Variants in NTRK1 observed in about 807,000 individuals in gnomAD.
NTRK1 encodes neurotrophic receptor tyrosine kinase 1, also known as high affinity nerve growth factor receptor.
Under a neutral mutation model 86.8 loss-of-function variants are expected in NTRK1, and 62 were observed. The ratio of observed to expected loss-of-function variants is 0.71; its 90% CI spans 0.58 to 0.88. The LOEUF (loss-of-function observed/expected upper bound fraction) is 0.88. NTRK1 is among the 40% of genes least tolerant of loss of function. The pLI is 0.00. For missense variants in NTRK1, 967 were observed against 1,078.4 expected, an observed-to-expected ratio of 0.90 and a Z score of 1.45; for synonymous variants, 469 against 456.6, an observed-to-expected ratio of 1.03 and a Z score of -0.35.
intron 2 of NTRK1, chr1:156,845,771 G>A (rs1164004231): frequency 6.2e-7 from 1 of 1,613,132 alleles, no homozygotes. Context: ...CCCCGTCTTC[G>A]CCGTCGAAGC....
upstream of NTRK1, among the ~76,000 whole-genome samples, chr1:156,856,060 C>T (rs1429014721): frequency 6.6e-6 from 1 of 151,756 alleles, no homozygotes; most frequent in Non-Finnish European, 1.5e-5. Flanking sequence ...CCCTCTGCCT[C>T]GGCCTCCCAA....
At chr1:156,848,938 G>T (rs777854414) in intron 2 of NTRK1, 1 of 1,583,356 alleles carries the variant, frequency 6.3e-7, no homozygotes, top group Admixed American at 1.8e-5. Context: ...TGTAGTACAC[G>T]ATGAAGCTGA....
intron 6 of NTRK1, among the ~76,000 whole-genome samples, chr1:156,869,282 G>A (rs568541255): frequency 3.7e-4 from 57 of 152,132 alleles, no homozygotes; most frequent in African/African-American, 1.2e-3. Context: ...GTTTCACTAC[G>A]TTGGCCACGC....
chr1:156,816,776 A>G (rs1653988351), intron 1 of NTRK1: 2 of 1,417,182 alleles, frequency 1.4e-6, no homozygotes, highest in Non-Finnish European at 1.9e-6. Context: ...GTGCACACTC[A>G]GCAACTCATC....
intron 2 of NTRK1, chr1:156,843,219 C>T (rs1654864404): frequency 1.9e-6 from 3 of 1,614,098 alleles, no homozygotes; most frequent in Non-Finnish European, 2.5e-6. Flanking sequence ...ACCTCCCATT[C>T]ATCAGGGACA....
Position 156,881,774 on chromosome 1 carries a change from G to A in NTRK1, c.*132G>A, listed in dbSNP as rs926547834. ...ACCCTCAGCATGTGGGAAGGGACAGGTGGGGGCTGGGAGTAGAGGATGTTC... is the reference window on the plus strand; with the variant it reads ...ACCCTCAGCATGTGGGAAGGGACAGATGGGGGCTGGGAGTAGAGGATGTTC... On this transcript the variant is annotated 3_prime_UTR_variant, in exon 17 of 17. Transcript: ENST00000524377. 4 of 906,042 alleles carry A rather than the reference G, an allele frequency of 4.4e-6. No homozygotes were observed. Among genetic ancestry groups the A allele is most frequent in the Admixed American group, 6.2e-5 (2 of 32,506 alleles). The allele number at this position is 906,042 out of a possible 1,614,324, so 56.1% of individuals were successfully genotyped here. A position where few individuals can be genotyped will look rare whatever the true frequency, so the allele number is the denominator to read the frequency against.
intron 2 of NTRK1, chr1:156,843,126 CA>C: frequency 6.2e-7 from 1 of 1,614,170 alleles, no homozygotes; most frequent in South Asian, 1.1e-5. Flanking sequence ...TCTCCAGCCT[CA>C]AGTCCTCGTG....
upstream of NTRK1, chr1:156,858,538 C>T (rs1235100961): frequency 3.7e-6 from 6 of 1,613,384 alleles, no homozygotes; most frequent in African/African-American, 2.7e-5. Context: ...GGGACTCACC[C>T]TCTACTGTAT....
intron 3 of NTRK1, chr1:156,865,046 G>C (rs1425848394): frequency 1.7e-6 from 1 of 574,092 alleles, no homozygotes; most frequent in Non-Finnish European, 3.2e-6. Flanking sequence ...ACTTCTCATA[G>C]GTGCCTGCCC....
At chr1:156,868,727 G>A in intron 6 of NTRK1, 80 bp downstream of exon 6, 2 of 1,524,640 alleles carry the variant, frequency 1.3e-6, no homozygotes, top group Middle Eastern at 1.8e-4. Flanking sequence ...GAGACACACT[G>A]TGGAGGAAAG....
At chr1:156,848,745 TGAA>T (rs1655095071) in intron 2 of NTRK1, among the ~76,000 whole-genome samples, 1 of 152,166 alleles carries the variant, frequency 6.6e-6, no homozygotes. Flanking sequence ...CATGAAGGCA[TGAA>T]GAAGGTGAGG....
At chr1:156,855,177 T>TATCTATCTATCTATCTATC (rs1248364906) in intron 2 of NTRK1, among the ~76,000 whole-genome samples, 21 of 638 alleles carry the variant, frequency 0.033, no homozygotes, top group Admixed American at 0.11. Context: ...CATCCAATTT[T>TATCTATCTATCTATCTATC]ATCTATCTAT....
intron 3 of NTRK1, 112 bp downstream of exon 3, chr1:156,864,911 C>G: frequency 2.8e-6 from 3 of 1,071,468 alleles, no homozygotes; most frequent in Non-Finnish European, 2.8e-6. Context: ...CAAGCCTGGT[C>G]AGGGAAGTCA....
intron 6 of NTRK1, among the ~76,000 whole-genome samples, chr1:156,869,810 G>A (rs996724147): frequency 1.3e-5 from 2 of 152,226 alleles, no homozygotes; most frequent in Admixed American, 6.5e-5. Flanking sequence ...CCTTGTTGAC[G>A]AGGTCAACGG....
rs748094065 is a variant in NTRK1, at chr1:156,874,642, G to A, written c.1251+16G>A. On this transcript the variant is annotated intron_variant, in intron 10 of 16. Coordinates refer to ENST00000524377, the MANE Select transcript of NTRK1 (RefSeq NM_002529.4). ...ACCTTTTGGGGTGAGATAGGAAGTA[G>A]AAGCTTGTGCAGACTTTGGGACCGG... 1.2e-6 allele frequency: 2 copies of A among 1,611,334 alleles called. No individual in the cohort carries two copies. Among genetic ancestry groups the A allele is most frequent in the Non-Finnish European group, 1.7e-6 (2 of 1,178,642 alleles).
rs1441536493 is a variant in NTRK1 at position 156,848,871 on chromosome 1, T to C, written c.50+6678T>C. On this transcript the variant is annotated intron_variant, in intron 2 of 16. Transcript: ENST00000392302. Reference sequence around the variant, plus strand: ...TCACCTGCCTGTGGTCCCGAAGAAATTGGCCTCGTCCGGTCCCGCCCCCGC... The same window carrying C: ...TCACCTGCCTGTGGTCCCGAAGAAACTGGCCTCGTCCGGTCCCGCCCCCGC... The C allele has an allele frequency of 4.6e-6, 7 of 1,534,398 alleles. No homozygotes were observed. The East Asian group carries it at 7.4e-5, about 16-fold the overall frequency.
intron 2 of NTRK1, among the ~76,000 whole-genome samples, chr1:156,848,151 G>C (rs1479168278): frequency 6.6e-6 from 1 of 152,130 alleles, no homozygotes; most frequent in Non-Finnish European, 1.5e-5. Context: ...AGACCTAGGA[G>C]GGTCTCGGCC....
At chr1:156,861,453 G>C (rs1186072332) in intron 1 of NTRK1, among the ~76,000 whole-genome samples, 4 of 152,200 alleles carry the variant, frequency 2.6e-5, no homozygotes, top group Non-Finnish European at 5.9e-5. Context: ...GCGCTTTCTG[G>C]AGCTCAGCCA....
In NTRK1 at chr1:156,860,868, G is replaced by A. The variant is rs558185235; in HGVS notation, c.-67G>A. 1.6e-5 allele frequency: 22 copies of A among 1,388,254 alleles called. 1 individual carries two copies. Among genetic ancestry groups the A allele is most frequent in the South Asian group, 1.3e-4 (8 of 60,334 alleles). 86.0% of individuals were successfully genotyped at this position (1,388,254 alleles called of 1,614,324 possible). A position where few individuals can be genotyped will look rare whatever the true frequency, so the allele number is the denominator to read the frequency against. ...ACCGCCCAGCGCACATGTCGGGGGAGGCCTGGCAGCTGCAGCTGGGAGCGC... is the reference window on the plus strand; with the variant it reads ...ACCGCCCAGCGCACATGTCGGGGGAAGCCTGGCAGCTGCAGCTGGGAGCGC... On this transcript the variant is annotated 5_prime_UTR_variant, in exon 1 of 17. Coordinates refer to ENST00000524377, the MANE Select transcript of NTRK1 (RefSeq NM_002529.4).
Sources: allele counts gnomAD v4.1 joint callset (sites outside exome capture counted in the v4.1 genomes callset), GRCh38; gene constraint gnomAD v4.1.1; transcripts MANE v1.5; gene names NCBI Gene and HGNC (gene_info 2026-07-23, HGNC 2026-07-21).